ARK2N: variants seen among roughly 807,000 people sequenced by gnomAD.
ARK2N encodes the protein protein ARK2N.
the ARK2N span, among the ~76,000 whole-genome samples, chr18:46,248,269 A>G: frequency 6.6e-6 from 1 of 152,316 alleles, no homozygotes; most frequent in East Asian, 1.9e-4. Flanking sequence ...AGGGGAGACA[A>G]CGTCTTCAGG....
the ARK2N span, chr18:46,217,497 T>G: frequency 1.3e-5 from 2 of 152,222 alleles, no homozygotes; most frequent in South Asian, 4.1e-4. Context: ...GGGGCAAGTT[T>G]GGGTTTTCTA....
chr18:46,201,790 T>TTC, the ARK2N span, among the ~76,000 whole-genome samples: 1 of 151,094 alleles, frequency 6.6e-6, no homozygotes, highest in South Asian at 2.1e-4. Flanking sequence ...TTTTTTTTTT[T>TTC]TTTTTAAGAC....
At chr18:46,184,212 G>A in the ARK2N span, among the ~76,000 whole-genome samples, 2 of 152,084 alleles carry the variant, frequency 1.3e-5, no homozygotes, top group South Asian at 2.1e-4. Context: ...GGCTGGTCTC[G>A]AACTCCTGAC....
At chr18:46,231,124 A>C in the ARK2N span, among the ~76,000 whole-genome samples, 3 of 152,222 alleles carry the variant, frequency 2.0e-5, no homozygotes, top group African/African-American at 7.2e-5. Context: ...GCCCACATAA[A>C]ATTTTAATTT....
the ARK2N span, among the ~76,000 whole-genome samples, chr18:46,202,801 T>TA: frequency 1.5e-3 from 150 of 100,234 alleles, 2 homozygotes; most frequent in East Asian, 3.7e-3. Context: ...AAAATAAAAA[T>TA]TAAAAAAAAA....
At chr18:46,181,053 A>C in the ARK2N span, among the ~76,000 whole-genome samples, 1 of 151,914 alleles carries the variant, frequency 6.6e-6, no homozygotes, top group Admixed American at 6.6e-5. Flanking sequence ...CAAGATCAGG[A>C]GTTCGAAACC....
At chr18:46,235,237 T>G in the ARK2N span, among the ~76,000 whole-genome samples, 42 of 152,352 alleles carry the variant, frequency 2.8e-4, no homozygotes, top group African/African-American at 8.9e-4. Context: ...GATATTTCAC[T>G]TCAAACAAAA....
chr18:46,184,723 TAACAACAAC>T, the ARK2N span, among the ~76,000 whole-genome samples: 18 of 151,876 alleles, frequency 1.2e-4, no homozygotes, highest in Non-Finnish European at 2.4e-4. Context: ...ACCCTGTCTC[TAACAACAAC>T]AACAACAACA....
At chr18:46,232,272 A>C in the ARK2N span, 2 of 152,226 alleles carry the variant, frequency 1.3e-5, no homozygotes, top group Non-Finnish European at 2.9e-5. Flanking sequence ...AAAATAGCAA[A>C]TTATGGGCAA....
the ARK2N span, among the ~76,000 whole-genome samples, chr18:46,196,471 C>T: frequency 1.3e-5 from 2 of 150,750 alleles, no homozygotes; most frequent in African/African-American, 2.4e-5. Flanking sequence ...CCATGTTAGC[C>T]AGGATGGTCT....
At chr18:46,264,708 GTTC>G in the ARK2N span, 59 of 147,292 alleles carry the variant, frequency 4.0e-4, no homozygotes, top group East Asian at 6.2e-3. Flanking sequence ...TGCCCAGCCT[GTTC>G]TTCTTCTTCT....
At chr18:46,231,273 T>A in the ARK2N span, among the ~76,000 whole-genome samples, 3 of 152,310 alleles carry the variant, frequency 2.0e-5, no homozygotes, top group Middle Eastern at 0.01. Flanking sequence ...TTTGTATGGA[T>A]TTTTACTAAG....
the ARK2N span, among the ~76,000 whole-genome samples, chr18:46,194,350 C>A: frequency 1.3e-5 from 2 of 151,986 alleles, no homozygotes; most frequent in African/African-American, 4.8e-5. Context: ...CCTGTAATCC[C>A]AGCACCTTGG....
At chr18:46,216,810 G>C in the ARK2N span, 2 of 506,220 alleles carry the variant, frequency 4.0e-6, no homozygotes, top group Middle Eastern at 1.1e-3. The surrounding 1 kb of genome is among the most constrained non-coding windows in gnomAD (Gnocchi z 4.3). Context: ...AAAATTAAAG[G>C]GTTAATGATA....
the ARK2N span, among the ~76,000 whole-genome samples, chr18:46,262,335 C>G: frequency 6.6e-6 from 1 of 152,142 alleles, no homozygotes; most frequent in African/African-American, 2.4e-5. Context: ...TTTCACGGAA[C>G]CAAATTATAA....
At chr18:46,262,985 C>G in the ARK2N span, 1 of 1,614,142 alleles carries the variant, frequency 6.2e-7, no homozygotes, top group Non-Finnish European at 8.5e-7. Flanking sequence ...AAGCATGGCT[C>G]GGGCACGCAG....
At chr18:46,204,666 A>G in the ARK2N span, among the ~76,000 whole-genome samples, 2 of 152,208 alleles carry the variant, frequency 1.3e-5, no homozygotes, top group Admixed American at 1.3e-4. Context: ...TATAAAATAA[A>G]TAGATGCAAG....
chr18:46,225,255 G>A, the ARK2N span, among the ~76,000 whole-genome samples: 7 of 152,316 alleles, frequency 4.6e-5, 1 homozygote, highest in South Asian at 8.3e-4. Flanking sequence ...CAGCCCTTTG[G>A]TTCTTACCTG....
chr18:46,243,982 G>A, the ARK2N span, among the ~76,000 whole-genome samples: 1 of 152,144 alleles, frequency 6.6e-6, no homozygotes, highest in African/African-American at 2.4e-5. Flanking sequence ...CTCTTGCACT[G>A]CAACGAGTTG....
Sources: allele counts gnomAD v4.1 joint callset (sites outside exome capture counted in the v4.1 genomes callset), GRCh38; gene constraint gnomAD v4.1.1; non-coding constraint Gnocchi (gnomAD v3.1); transcripts MANE v1.5; gene names NCBI Gene and HGNC (gene_info 2026-07-23, HGNC 2026-07-21).